OCA2: variants seen among roughly 807,000 people sequenced by gnomAD.
OCA2 encodes the protein OCA2 melanosomal transmembrane protein, also known as P protein.
A neutral mutation model predicts 100.2 loss-of-function variants in OCA2; 77 were observed. The observed-to-expected ratio is 0.77, with a 90% CI of 0.64 to 0.93. The LOEUF is 0.93. OCA2 is among the 40% of genes least tolerant of loss of function. OCA2 has a pLI of 0.00. For synonymous variants in OCA2, 432 were observed against 439.2 expected, an observed-to-expected ratio of 0.98 and a Z score of 0.21; for missense variants, 1,062 against 1,089.1, an observed-to-expected ratio of 0.98 and a Z score of 0.35.
At chr15:28,026,500 C>A (rs1424743716) in intron 4 of OCA2, among the ~76,000 whole-genome samples, 1 of 152,164 alleles carries the variant, frequency 6.6e-6, no homozygotes, top group Non-Finnish European at 1.5e-5. Flanking sequence ...GCTGAGACCC[C>A]TTCTTCTCAT....
At chr15:27,995,204 TGGATAGAA>T (rs2041682302) in intron 9 of OCA2, among the ~76,000 whole-genome samples, 1 of 152,092 alleles carries the variant, frequency 6.6e-6, no homozygotes, top group Non-Finnish European at 1.5e-5. Context: ...TTTAAGACAA[TGGATAGAA>T]CATCCAGACA....
intron 23 of OCA2, among the ~76,000 whole-genome samples, chr15:27,840,824 A>T (rs1190542420): frequency 6.6e-6 from 1 of 152,256 alleles, no homozygotes; most frequent in African/African-American, 2.4e-5. Context: ...CCTGGGAGAA[A>T]AAAAGGGCAT....
chr15:27,865,716 T>C (rs1297330542), intron 21 of OCA2, among the ~76,000 whole-genome samples: 1 of 152,062 alleles, frequency 6.6e-6, no homozygotes, highest in African/African-American at 2.4e-5. Context: ...CTGAATTCTG[T>C]AGATCTACAT....
intron 18 of OCA2, among the ~76,000 whole-genome samples, chr15:27,945,700 G>A (rs965725375): frequency 6.6e-6 from 1 of 152,198 alleles, no homozygotes; most frequent in Admixed American, 6.5e-5. Flanking sequence ...AAGGGACAGG[G>A]AGAAGACCAG....
chr15:27,774,426 C>A (rs2151059749), intron 23 of OCA2, among the ~76,000 whole-genome samples: 1 of 152,368 alleles, frequency 6.6e-6, no homozygotes, highest in African/African-American at 2.4e-5. Context: ...CCAGTGTAAC[C>A]TTTGAACCCA....
Position 27,983,377 on chromosome 15 carries a change from T to A in OCA2, c.1471A>T (p.Ile491Phe), listed in dbSNP as rs1252025821. 1 of 1,614,062 alleles carries A rather than the reference T, an allele frequency of 6.2e-7. No homozygotes were observed. Among genetic ancestry groups the A allele is most frequent in the African/African-American group, 1.3e-5 (1 of 74,928 alleles). The change falls in exon 14 of 24, where the codon ATT (isoleucine) becomes TTT (phenylalanine). Residue 491 changes from isoleucine to phenylalanine, a missense_variant. Coordinates refer to ENST00000354638, the MANE Select transcript of OCA2 (RefSeq NM_000275.3). ...CTCAGCTCTTGGTTGGAAACAATAA[T>A]GACATTTGGAGGGTCCCCGATGGCA... Reference protein sequence around the residue: ...ATAIGDPPNVIIVSNQELRKM... With the variant: ...ATAIGDPPNVFIVSNQELRKM...
chr15:27,726,969 C>T, the OCA2 span, among the ~76,000 whole-genome samples: 4 of 152,248 alleles, frequency 2.6e-5, no homozygotes, highest in Admixed American at 6.5e-5. Flanking sequence ...AGCATCAGCT[C>T]GGCAGTCTAA....
Position 27,989,773 on chromosome 15 carries a change from G to A in OCA2, c.1117-107C>T, listed in dbSNP as rs572371092. 138 of 1,003,200 alleles carry A rather than the reference G, an allele frequency of 1.4e-4. 1 individual carries two copies. In the Middle Eastern group the frequency reaches 1.6e-3, roughly 12 times the overall value. The allele number at this position is 1,003,200 out of a possible 1,614,324, so 62.1% of individuals were successfully genotyped here. On this transcript the variant is annotated intron_variant, in intron 10 of 23. Transcript: ENST00000354638. The stretch of plus-strand genomic sequence containing the variant: ...GCAGACCCACTCAGTGGGCGGGCCA[G>A]GGTTGGAAATCTCACCATCCACTTG...
chr15:27,721,997 G>A, the OCA2 span, among the ~76,000 whole-genome samples: 1 of 152,166 alleles, frequency 6.6e-6, no homozygotes, highest in African/African-American at 2.4e-5. Flanking sequence ...TGTATCTATT[G>A]CAAGATCTGT....
intron 14 of OCA2, among the ~76,000 whole-genome samples, chr15:27,978,352 T>C (rs1244426661): frequency 6.6e-6 from 1 of 152,094 alleles, no homozygotes; most frequent in East Asian, 1.9e-4. Flanking sequence ...TTGTAGATTT[T>C]CTCTCTACTT....
chr15:27,949,325 A>G (rs115407254), intron 18 of OCA2, among the ~76,000 whole-genome samples: 1,538 of 152,350 alleles, frequency 0.01, 27 homozygotes, highest in African/African-American at 0.035. Flanking sequence ...ATCATATGAC[A>G]TCACATTGAA....
intron 2 of OCA2, among the ~76,000 whole-genome samples, chr15:28,058,307 C>G (rs2043767896): frequency 6.6e-6 from 1 of 152,234 alleles, no homozygotes; most frequent in Non-Finnish European, 1.5e-5. Context: ...CTGCTGCCAC[C>G]CTTGCCTCTA....
At chr15:28,040,624 T>G (rs936509311) in intron 2 of OCA2, among the ~76,000 whole-genome samples, 1 of 152,070 alleles carries the variant, frequency 6.6e-6, no homozygotes, top group South Asian at 2.1e-4. Flanking sequence ...AAAACTCAAA[T>G]TATTAAAATC....
At chr15:27,980,769 G>A (rs190532288) in intron 14 of OCA2, among the ~76,000 whole-genome samples, 22 of 152,012 alleles carry the variant, frequency 1.4e-4, no homozygotes, top group African/African-American at 4.8e-4. Context: ...CTGTTTCCTC[G>A]CCTGTAACAT....
Position 27,824,602 on chromosome 15 carries a change from C to CTCTCTCTCTCTCTCTCTCTA in OCA2, c.2432+20356_2432+20357insTAGAGAGAGAGAGAGAGAGA. ...TTTCTCTCTCTCTCTCTCTCTCTCT[C>CTCTCTCTCTCTCTCTCTCTA]TATATATATATATATATATAATATA... On this transcript the variant is annotated intron_variant, in intron 23 of 23. Coordinates refer to ENST00000354638, the MANE Select transcript of OCA2 (RefSeq NM_000275.3). Among the ~76,000 whole-genome samples, 28 of 47,596 alleles carry CTCTCTCTCTCTCTCTCTCTA rather than the reference C, an allele frequency of 5.9e-4. 2 individuals carry two copies. Among genetic ancestry groups the CTCTCTCTCTCTCTCTCTCTA allele is most frequent in the East Asian group, 0.018 (1 of 56 alleles). 31.2% of individuals were successfully genotyped at this position (47,596 alleles called of 152,430 possible). A position where few individuals can be genotyped will look rare whatever the true frequency, so the allele number is the denominator to read the frequency against.
intron 9 of OCA2, among the ~76,000 whole-genome samples, chr15:27,995,039 T>C (rs547047504): frequency 1.2e-4 from 19 of 152,262 alleles, no homozygotes; most frequent in Admixed American, 1.2e-3. Flanking sequence ...CCCACCCTCT[T>C]CCACTGATAA....
Position 27,980,216 on chromosome 15 carries a change from C to T in OCA2, c.1503+3129G>A, listed in dbSNP as rs929042579. 1.2e-4 allele frequency among the ~76,000 whole-genome samples: 18 copies of T among 152,052 alleles called. 1 individual carries two copies. The highest frequency in any genetic ancestry group is 2.6e-4 in the Non-Finnish European group (18 of 68,028). On this transcript the variant is annotated intron_variant, in intron 14 of 23. Transcript: ENST00000354638. ...GATCTCGGCTCGCTGCAAGCTCCGC[C>T]TCATGGGTTCACGCCATTCTCCTGC...
downstream of OCA2, among the ~76,000 whole-genome samples, chr15:27,750,757 T>C (rs1368766279): frequency 6.6e-6 from 1 of 152,234 alleles, no homozygotes; most frequent in African/African-American, 2.4e-5. Context: ...ATTGTCATAG[T>C]CAAGGTTGGC....
chr15:27,821,692 GCA>G (rs1566991827), intron 23 of OCA2, among the ~76,000 whole-genome samples: 1 of 151,582 alleles, frequency 6.6e-6, no homozygotes, highest in Non-Finnish European at 1.5e-5. Flanking sequence ...ACCCACACAT[GCA>G]CACATACACA....
Sources: gnomAD v4.1 joint callset for allele counts (sites outside exome capture counted in the v4.1 genomes callset) on GRCh38, gnomAD v4.1.1 for gene constraint, MANE v1.5 for transcripts, NCBI Gene and HGNC (gene_info 2026-07-23, HGNC 2026-07-21) for gene names.